The following VPS13B variants were observed in gnomAD, a reference collection of about 807,000 sequenced individuals.
The protein encoded by VPS13B is vacuolar protein sorting 13 homolog B.
VPS13B carries 285 observed loss-of-function variants against 426.4 expected under a neutral mutation model. That is an observed-to-expected ratio of 0.67 (90% CI 0.61 to 0.74). VPS13B has a LOEUF of 0.74. VPS13B is among the 30% of genes least tolerant of loss of function. The probability of loss-of-function intolerance (pLI) is 0.00; values close to 1 mark genes in which losing one functional copy is unlikely to be tolerated. For synonymous variants in VPS13B, 1,676 were observed against 1,676.4 expected, an observed-to-expected ratio of 1.00 and a Z score of 0.01; for missense variants, 4,537 against 4,782.6, an observed-to-expected ratio of 0.95 and a Z score of 1.51.
chr8:99,308,201 T>G (rs1458069219), intron 19 of VPS13B, among the ~76,000 whole-genome samples: 1 of 152,088 alleles, frequency 6.6e-6, no homozygotes, highest in African/African-American at 2.4e-5. Context: ...TAATTACACT[T>G]CAAGTTTTAG....
intron 39 of VPS13B, among the ~76,000 whole-genome samples, chr8:99,763,102 C>T (rs568119615): frequency 1.6e-4 from 22 of 139,006 alleles, no homozygotes; most frequent in African/African-American, 5.9e-4. Context: ...CACCACTTCA[C>T]CCTAGCTTGG....
At chr8:99,521,307 A>G (rs1397103916) in intron 30 of VPS13B, among the ~76,000 whole-genome samples, 1 of 152,212 alleles carries the variant, frequency 6.6e-6, no homozygotes, top group Non-Finnish European at 1.5e-5. Flanking sequence ...CTCTAATCAC[A>G]TAAGAAAACG....
chr8:99,625,499 G>A (rs1204074479), intron 33 of VPS13B, among the ~76,000 whole-genome samples: 1 of 152,098 alleles, frequency 6.6e-6, no homozygotes, highest in Non-Finnish European at 1.5e-5. Context: ...GATTACGTGA[G>A]TCCAGGAGTT....
chr8:99,496,027 C>T (rs1260057372), intron 25 of VPS13B, among the ~76,000 whole-genome samples: 1 of 151,912 alleles, frequency 6.6e-6, no homozygotes, highest in Non-Finnish European at 1.5e-5. Flanking sequence ...CATGGATGTG[C>T]GTATAAACAT....
intron 24 of VPS13B, among the ~76,000 whole-genome samples, chr8:99,477,951 T>G (rs1002748745): frequency 4.6e-5 from 7 of 152,124 alleles, no homozygotes; most frequent in African/African-American, 1.7e-4. Flanking sequence ...TCTCAGACCC[T>G]AAATACTATG....
chr8:99,066,895 C>G (rs1358526609), intron 3 of VPS13B, among the ~76,000 whole-genome samples: 1 of 152,226 alleles, frequency 6.6e-6, no homozygotes, highest in Non-Finnish European at 1.5e-5. Flanking sequence ...TGACAAAATG[C>G]TCATCATTAC....
At chr8:99,361,808 AATG>A (rs1302008158) in intron 19 of VPS13B, among the ~76,000 whole-genome samples, 1 of 152,202 alleles carries the variant, frequency 6.6e-6, no homozygotes, top group African/African-American at 2.4e-5. Context: ...TATCTAAGAT[AATG>A]ATGATTATGA....
At chr8:99,774,557 A>G (rs1297502854) in intron 40 of VPS13B, among the ~76,000 whole-genome samples, 1 of 152,236 alleles carries the variant, frequency 6.6e-6, no homozygotes, top group East Asian at 1.9e-4. Context: ...GTCAAAAACT[A>G]TAATTGGTCA....
chr8:99,872,753 C>T (rs915254820), intron 61 of VPS13B, among the ~76,000 whole-genome samples: 2 of 152,222 alleles, frequency 1.3e-5, no homozygotes, highest in Non-Finnish European at 2.9e-5. Context: ...GGACAGCAAA[C>T]CTACCTCCAA....
intron 14 of VPS13B, 146 bp downstream of exon 14, chr8:99,148,156 A>G: frequency 1.1e-6 from 1 of 879,790 alleles, no homozygotes; most frequent in South Asian, 1.5e-5. Context: ...GGCAGGATGC[A>G]CACTTGAGGC....
chr8:99,267,194 T>G (rs1262122579), intron 17 of VPS13B, among the ~76,000 whole-genome samples: 1 of 152,158 alleles, frequency 6.6e-6, no homozygotes, highest in Non-Finnish European at 1.5e-5. Flanking sequence ...CAATGAAGTC[T>G]GGGTTGAGGT....
intron 19 of VPS13B, among the ~76,000 whole-genome samples, chr8:99,280,070 A>G (rs1358326250): frequency 6.6e-6 from 1 of 152,058 alleles, no homozygotes; most frequent in Non-Finnish European, 1.5e-5. Flanking sequence ...CACCAGGCCC[A>G]TCATTTCAAT....
intron 35 of VPS13B, 83 bp downstream of exon 35, chr8:99,661,574 G>A: frequency 2.0e-6 from 3 of 1,514,716 alleles, no homozygotes; most frequent in Non-Finnish European, 2.7e-6. Context: ...TAGTAATCTT[G>A]ACATTCCGTG....
At chr8:99,746,332 G>C (rs965860183) in intron 39 of VPS13B, among the ~76,000 whole-genome samples, 4 of 152,028 alleles carry the variant, frequency 2.6e-5, no homozygotes, top group African/African-American at 9.7e-5. Flanking sequence ...AAATTGATCA[G>C]GTAGTATTAG....
At chr8:99,201,191 T>C (rs990793148) in intron 17 of VPS13B, among the ~76,000 whole-genome samples, 1 of 152,178 alleles carries the variant, frequency 6.6e-6, no homozygotes, top group Non-Finnish European at 1.5e-5. Context: ...TCACTTTTAC[T>C]ACCACCAAAA....
At chr8:99,070,339 G>A (rs1844789284) in intron 3 of VPS13B, among the ~76,000 whole-genome samples, 1 of 152,112 alleles carries the variant, frequency 6.6e-6, no homozygotes, top group Non-Finnish European at 1.5e-5. Context: ...ATTTTGAAGT[G>A]TTTTGGAATG....
chr8:99,824,035 G>C (rs530497163), intron 51 of VPS13B, 57 bp downstream of exon 51: 109 of 1,578,800 alleles, frequency 6.9e-5, no homozygotes, highest in Admixed American at 3.3e-4. Flanking sequence ...CAATAAATAG[G>C]ATCAACTTCT....
intron 21 of VPS13B, among the ~76,000 whole-genome samples, chr8:99,393,435 AAAC>A (rs1426196400): frequency 1.2e-4 from 19 of 152,284 alleles, no homozygotes; most frequent in African/African-American, 4.1e-4. Context: ...ATGAAAACAT[AAAC>A]AACACATTTT....
intron 17 of VPS13B, among the ~76,000 whole-genome samples, chr8:99,238,241 AGTGTGTGT>A (rs199541620): frequency 3.3e-5 from 5 of 150,042 alleles, no homozygotes; most frequent in East Asian, 2.0e-4. Flanking sequence ...AGTTTGTGGG[AGTGTGTGT>A]GTGTGTGTGT....
Sources: allele counts gnomAD v4.1 joint callset (sites outside exome capture counted in the v4.1 genomes callset), GRCh38; gene constraint gnomAD v4.1.1; transcripts MANE v1.5; gene names NCBI Gene and HGNC (gene_info 2026-07-23, HGNC 2026-07-21).